Variants in PSMD9 observed in about 807,000 individuals in gnomAD.
The protein encoded by PSMD9 is proteasome 26S subunit, non-ATPase 9.
A neutral mutation model predicts 25.9 loss-of-function variants in PSMD9; 26 were observed. That is an observed-to-expected ratio of 1.00 (90% confidence interval 0.73 to 1.39). PSMD9 has a LOEUF of 1.39. Among genes scored for constraint, PSMD9 ranks in the 40% most tolerant of loss-of-function variants. The pLI, the probability that PSMD9 is intolerant of heterozygous loss-of-function variation, is 0.00. For synonymous variants in PSMD9, 110 were observed against 114.5 expected (o/e 0.96, Z 0.25); for missense variants, 303 against 299.3 (o/e 1.01, Z -0.09).
chr12:121,915,962 G>A lies in PSMD9; in HGVS notation c.644+18G>A, dbSNP rs780597408. ...CTGCTGGGGTAAAGTATCTGTTTCT[G>A]TTCATTCTCACTGGGGCATCATTTG... On this transcript the variant is annotated intron_variant, in intron 5 of 5. Coordinates refer to ENST00000541212, the MANE Select transcript of PSMD9 (RefSeq NM_002813.7). 7.5e-6 allele frequency: 12 copies of A among 1,607,274 alleles called. No individual in the cohort carries two copies. In the Admixed American group the frequency reaches 2.0e-4, roughly 27 times the overall value.
Position 121,906,619 on chromosome 12 carries a change from A to G in PSMD9, c.555+3512A>G, listed in dbSNP as rs965479209. Among the ~76,000 whole-genome samples the G allele has an allele frequency of 4.0e-5, 6 of 149,580 alleles. No individual in the cohort carries two copies. The Admixed American group carries it at 4.1e-4, about 10-fold the overall frequency. On this transcript the variant is annotated intron_variant, in intron 4 of 5. Coordinates refer to ENST00000541212, the MANE Select transcript of PSMD9 (RefSeq NM_002813.7). Reference sequence around the variant, plus strand: ...AGAGATCGAGACCATCCTGCCCAACATGGTGAAAACCGGTCTCTACTAAAA... The same window carrying G: ...AGAGATCGAGACCATCCTGCCCAACGTGGTGAAAACCGGTCTCTACTAAAA...
At chr12:121,912,478 C>T (rs1373951344) in intron 4 of PSMD9, among the ~76,000 whole-genome samples, 1 of 152,142 alleles carries the variant, frequency 6.6e-6, no homozygotes, top group East Asian at 1.9e-4. Flanking sequence ...GTGGTAGAAT[C>T]TCATTGTGGT....
chr12:121,897,028 T>C (rs1053185587), intron 2 of PSMD9, among the ~76,000 whole-genome samples: 4 of 151,904 alleles, frequency 2.6e-5, no homozygotes, highest in Admixed American at 1.3e-4. Context: ...ATATGCAAAA[T>C]ACACATATGA....
At chr12:121,904,122 T>C (rs1320320219) in intron 4 of PSMD9, among the ~76,000 whole-genome samples, 1 of 152,156 alleles carries the variant, frequency 6.6e-6, no homozygotes, top group Non-Finnish European at 1.5e-5. Flanking sequence ...CCTATGCCCC[T>C]GCTAGTGGTC....
At position 121,899,811 on chromosome 12, in the gene PSMD9, A is replaced by G. The variant is rs770946043; in HGVS notation, c.419A>G (p.Asn140Ser). The G allele has an allele frequency of 8.1e-6, 13 of 1,613,904 alleles. No individual in the cohort carries two copies. The Admixed American group carries it at 1.7e-4, about 21-fold the overall frequency. Reference sequence around the variant, plus strand: ...CCTCCACGGGCCTTCGCCAAAGTGAACAGCATCAGCCCCGGCTCCCCAGCC... The same window carrying G: ...CCTCCACGGGCCTTCGCCAAAGTGAGCAGCATCAGCCCCGGCTCCCCAGCC... ...QGPPRAFAKV[N>S]SISPGSPASI... Residue 140 changes from asparagine (N) to serine (S), a missense_variant, in exon 3 of 6, where the codon AAC (asparagine) becomes AGC (serine). By Grantham distance (46) the Asn-to-Ser change is conservative. Transcript: ENST00000541212.
chr12:121,907,728 T>C (rs1879602097), intron 4 of PSMD9, among the ~76,000 whole-genome samples: 1 of 152,202 alleles, frequency 6.6e-6, no homozygotes, highest in African/African-American at 2.4e-5. Context: ...AATTTTATTG[T>C]ATGCAAATTA....
chr12:121,901,707 G>T (rs1274723962), intron 3 of PSMD9, among the ~76,000 whole-genome samples: 1 of 107,536 alleles, frequency 9.3e-6, no homozygotes, highest in Non-Finnish European at 1.7e-5. Flanking sequence ...ACGGAGTCTC[G>T]CTCTGTCGCC....
chr12:121,913,369 A>G lies in PSMD9; in HGVS notation c.556-2487A>G, dbSNP rs188494617. On this transcript the variant is annotated intron_variant, in intron 4 of 5. Coordinates refer to ENST00000541212, the MANE Select transcript of PSMD9 (RefSeq NM_002813.7). ...GTTGGGATTACAGGCGTGAGCCACC[A>G]CACCCAGCCCTTTGCTCATATTCTA... 1.2e-3 allele frequency among the ~76,000 whole-genome samples: 187 copies of G among 151,814 alleles called. 1 individual carries two copies. The highest frequency in any genetic ancestry group is 2.9e-4 in the Non-Finnish European group (20 of 67,918).
intron 4 of PSMD9, among the ~76,000 whole-genome samples, chr12:121,911,943 A>G (rs1879735669): frequency 6.6e-6 from 1 of 151,430 alleles, no homozygotes; most frequent in South Asian, 2.1e-4. Flanking sequence ...GTGAACCACC[A>G]CACCTGGCCT....
chr12:121,894,759 C>A lies in PSMD9; in HGVS notation c.159C>A (p.Asn53Lys). 6.2e-7 allele frequency: 1 copy of A among 1,613,868 alleles called. No individual in the cohort carries two copies. The highest frequency in any genetic ancestry group is 8.5e-7 in the Non-Finnish European group (1 of 1,179,980). ...TCCAGCAAAAAGGCATTGGGATGAA[C>A]GAGCCGCTGGTGGACTGTGAGGGCT... ...VLESQKGIGM[N>K]EPLVDCEGYP... The change falls in exon 2 of 6, where the codon AAC becomes AAA. Residue 53 changes from asparagine to lysine, a missense_variant. By Grantham distance (94) the Asn-to-Lys change is moderately conservative. Transcript: ENST00000541212.
chr12:121,889,726 C>T (rs2137671938), intron 1 of PSMD9, among the ~76,000 whole-genome samples: 1 of 152,176 alleles, frequency 6.6e-6, no homozygotes. Flanking sequence ...GAAACTGAGG[C>T]CCAGAGTGGG....
intron 2 of PSMD9, among the ~76,000 whole-genome samples, chr12:121,896,565 G>A (rs918402721): frequency 2.0e-5 from 3 of 151,892 alleles, no homozygotes; most frequent in African/African-American, 7.3e-5. Flanking sequence ...GGCTGGGTGC[G>A]GTGGCTCACG....
At chr12:121,897,711 A>G (rs1007204514) in intron 2 of PSMD9, 1 of 150,542 alleles carries the variant, frequency 6.6e-6, no homozygotes, top group African/African-American at 2.5e-5. Context: ...TTTTTTTAGT[A>G]GAGACGGGAT....
intron 4 of PSMD9, among the ~76,000 whole-genome samples, chr12:121,913,698 C>G (rs1285404820): frequency 6.6e-6 from 1 of 151,714 alleles, no homozygotes; most frequent in East Asian, 2.0e-4. Flanking sequence ...CGAGATCTCT[C>G]TTTGTTGCCG....
intron 1 of PSMD9, among the ~76,000 whole-genome samples, chr12:121,890,624 C>T (rs1357102151): frequency 2.6e-5 from 4 of 152,082 alleles, no homozygotes; most frequent in Admixed American, 1.3e-4. Context: ...CGTGCCACCA[C>T]GCCCAGCTAA....
intron 4 of PSMD9, among the ~76,000 whole-genome samples, chr12:121,904,220 T>G (rs1879485561): frequency 1.3e-5 from 2 of 152,104 alleles, no homozygotes; most frequent in South Asian, 2.1e-4. Flanking sequence ...TTATCAGTTT[T>G]TTTGCTTATG....
rs1154517 is a variant in PSMD9 at position 121,916,799 on chromosome 12, G to C, written c.*488G>C. 0.042 allele frequency: 6,808 copies of C among 160,290 alleles called. 480 individuals are homozygous for C. Among genetic ancestry groups the C allele is most frequent in the African/African-American group, 0.15 (6,377 of 41,606 alleles). The allele number at this position is 160,290 out of a possible 1,614,324, so 9.9% of individuals were successfully genotyped here. On this transcript the variant is annotated 3_prime_UTR_variant, in exon 6 of 6. Transcript: ENST00000541212. ...TTCTTTGCACTGAGGCCTTGCTGCT[G>C]TGGATACGGAAATGGTTAAGTACTG... is the stretch of plus-strand genomic sequence containing the variant.
chr12:121,912,868 C>CAA lies in PSMD9; in HGVS notation c.556-2970_556-2969dup, dbSNP rs35325016. Reference sequence around the variant, plus strand: ...GGGCAACAGGAGTGAAACCCTGTCTCAAAAAAAAAAAAAAAAAAAGAAAGA... The same window carrying CAA: ...GGGCAACAGGAGTGAAACCCTGTCTCAAAAAAAAAAAAAAAAAAAAAGAAAGA... On this transcript the variant is annotated intron_variant, in intron 4 of 5. Coordinates refer to ENST00000541212, the MANE Select transcript of PSMD9 (RefSeq NM_002813.7). 1.0e-2 allele frequency among the ~76,000 whole-genome samples: 856 copies of CAA among 85,662 alleles called. 12 individuals are homozygous for CAA. Among genetic ancestry groups the CAA allele is most frequent in the Non-Finnish European group, 0.015 (701 of 45,384 alleles). The allele number at this position is 85,662 out of a possible 152,430, so 56.2% of individuals were successfully genotyped here. A position where few individuals can be genotyped will look rare whatever the true frequency, so the allele number is the denominator to read the frequency against.
chr12:121,893,579 T>C (rs1879148500), intron 1 of PSMD9, among the ~76,000 whole-genome samples: 1 of 152,198 alleles, frequency 6.6e-6, no homozygotes, highest in Non-Finnish European at 1.5e-5. Context: ...CTGCAGGCTC[T>C]GAGAGAGAAG....
Sources: gnomAD v4.1 joint callset for allele counts (sites outside exome capture counted in the v4.1 genomes callset) on GRCh38, gnomAD v4.1.1 for gene constraint, MANE v1.5 for transcripts, NCBI Gene and HGNC (gene_info 2026-07-23, HGNC 2026-07-21) for gene names.